Variants in ENTREP2 observed in about 807,000 individuals in gnomAD.
The protein encoded by ENTREP2 is protein ENTREP2.
the ENTREP2 span, among the ~76,000 whole-genome samples, chr15:29,231,887 TTTCTTTC>T: frequency 7.4e-5 from 10 of 135,662 alleles, no homozygotes; most frequent in African/African-American, 2.7e-4. Flanking sequence ...TTTCTTTTCT[TTTCTTTC>T]TTTTTTTTTT....
chr15:29,571,275 G>A, the ENTREP2 span, among the ~76,000 whole-genome samples: 1 of 152,146 alleles, frequency 6.6e-6, no homozygotes, highest in Admixed American at 6.5e-5. Context: ...ATCAGCCTCC[G>A]CGGCGGAGCC....
At chr15:29,408,993 T>C in the ENTREP2 span, among the ~76,000 whole-genome samples, 1 of 152,232 alleles carries the variant, frequency 6.6e-6, no homozygotes, top group Admixed American at 6.5e-5. Context: ...TAATTATTAA[T>C]AGATCATCTT....
chr15:29,446,368 T>A, the ENTREP2 span, among the ~76,000 whole-genome samples: 7 of 152,192 alleles, frequency 4.6e-5, no homozygotes, highest in African/African-American at 1.7e-4. Flanking sequence ...GGAAGTCTGC[T>A]AGGTGGTTCT....
At chr15:29,618,496 C>T in the ENTREP2 span, among the ~76,000 whole-genome samples, 4 of 152,154 alleles carry the variant, frequency 2.6e-5, no homozygotes, top group South Asian at 2.1e-4. Flanking sequence ...TCTGCTTTCC[C>T]TCCCGTGAGC....
chr15:29,593,249 CCACTGTGT>C, the ENTREP2 span, among the ~76,000 whole-genome samples: 1 of 152,174 alleles, frequency 6.6e-6, no homozygotes, highest in Admixed American at 6.5e-5. Flanking sequence ...ACGTACTCTC[CCACTGTGT>C]CACTTGGCTC....
the ENTREP2 span, among the ~76,000 whole-genome samples, chr15:29,413,663 T>C: frequency 6.6e-6 from 1 of 152,192 alleles, no homozygotes; most frequent in African/African-American, 2.4e-5. Context: ...GCTTGTGAAC[T>C]CTCTTCCCCT....
chr15:29,181,306 T>G, the ENTREP2 span, among the ~76,000 whole-genome samples: 1 of 152,308 alleles, frequency 6.6e-6, no homozygotes, highest in Non-Finnish European at 1.5e-5. Flanking sequence ...CTGGTGATTT[T>G]GTAACTTTTA....
chr15:29,186,438 G>A, the ENTREP2 span, among the ~76,000 whole-genome samples: 3 of 152,226 alleles, frequency 2.0e-5, no homozygotes, highest in African/African-American at 7.2e-5. Flanking sequence ...ACCTCCCTTA[G>A]TGGTGGCTCC....
At chr15:29,584,749 T>A in the ENTREP2 span, among the ~76,000 whole-genome samples, 1 of 152,180 alleles carries the variant, frequency 6.6e-6, no homozygotes, top group Non-Finnish European at 1.5e-5. Context: ...ATGTACAGCA[T>A]GCTGATTATT....
chr15:29,272,018 C>T, the ENTREP2 span, among the ~76,000 whole-genome samples: 10 of 152,238 alleles, frequency 6.6e-5, no homozygotes, highest in South Asian at 1.9e-3. Context: ...TCAGACTACC[C>T]CTGTCACTGT....
chr15:29,570,273 C>G, the ENTREP2 span, among the ~76,000 whole-genome samples: 1 of 151,586 alleles, frequency 6.6e-6, no homozygotes, highest in Non-Finnish European at 1.5e-5. Flanking sequence ...AGAAAAGTAA[C>G]TCCGGGAATC....
chr15:29,654,931 A>G, the ENTREP2 span, among the ~76,000 whole-genome samples: 3 of 152,174 alleles, frequency 2.0e-5, no homozygotes, highest in Non-Finnish European at 1.5e-5. Context: ...ATCTAGTCTC[A>G]TGGCTTGAGT....
the ENTREP2 span, among the ~76,000 whole-genome samples, chr15:29,125,067 G>C: frequency 1.3e-5 from 2 of 152,190 alleles, no homozygotes; most frequent in African/African-American, 4.8e-5. Flanking sequence ...ACCCTGGAAG[G>C]CATGTGCCTG....
chr15:29,118,191 A>C, the ENTREP2 span: 1 of 152,606 alleles, frequency 6.6e-6, no homozygotes, highest in Non-Finnish European at 1.5e-5. Flanking sequence ...GTGACTTAAG[A>C]AGCCTTACCA....
At chr15:29,290,004 C>T in the ENTREP2 span, among the ~76,000 whole-genome samples, 6 of 152,288 alleles carry the variant, frequency 3.9e-5, no homozygotes, top group Non-Finnish European at 7.4e-5. Context: ...GAAGGAGGAA[C>T]TACGGCTAAA....
the ENTREP2 span, among the ~76,000 whole-genome samples, chr15:29,355,229 C>G: frequency 6.6e-6 from 1 of 152,140 alleles, no homozygotes; most frequent in African/African-American, 2.4e-5. Context: ...ATTTCTGCCC[C>G]TACCTTTGTA....
At chr15:29,370,893 C>T in the ENTREP2 span, among the ~76,000 whole-genome samples, 12 of 152,106 alleles carry the variant, frequency 7.9e-5, no homozygotes, top group African/African-American at 2.9e-4. Flanking sequence ...GTGTCTGGAA[C>T]ACATCATAGA....
the ENTREP2 span, among the ~76,000 whole-genome samples, chr15:29,140,798 G>C: frequency 6.6e-6 from 1 of 152,142 alleles, no homozygotes; most frequent in South Asian, 2.1e-4. Flanking sequence ...TGGAGGTGGA[G>C]GGCAAAAAAG....
chr15:29,184,705 A>T, the ENTREP2 span, among the ~76,000 whole-genome samples: 20 of 152,166 alleles, frequency 1.3e-4, no homozygotes, highest in Non-Finnish European at 2.8e-4. Context: ...CAGCGAAACC[A>T]GCCCGGGACC....
Sources: allele counts gnomAD v4.1 joint callset (sites outside exome capture counted in the v4.1 genomes callset), GRCh38; gene constraint gnomAD v4.1.1; transcripts MANE v1.5; gene names NCBI Gene and HGNC (gene_info 2026-07-23, HGNC 2026-07-21).